The following PCDHA3 variants were observed in gnomAD, a reference collection of about 807,000 sequenced individuals.
PCDHA3 encodes the protein protocadherin alpha-3.
A neutral mutation model predicts 62.2 loss-of-function variants in PCDHA3; 41 were observed. That is an observed-to-expected ratio of 0.66 (90% CI 0.51 to 0.86). The LOEUF (loss-of-function observed/expected upper bound fraction) is 0.86. Among genes scored for constraint, PCDHA3 ranks in the 40% least tolerant of loss-of-function variants. The pLI, the probability that PCDHA3 is intolerant of heterozygous loss-of-function variation, is 0.00. For missense variants in PCDHA3, 1,304 were observed against 1,241.2 expected, an observed-to-expected ratio of 1.05 and a Z score of -0.76; for synonymous variants, 640 against 555.4, an observed-to-expected ratio of 1.15 and a Z score of -2.14.
At chr5:140,880,258 A>G (rs1278819523) in intron 1 of PCDHA3, among the ~76,000 whole-genome samples, 3 of 152,246 alleles carry the variant, frequency 2.0e-5, no homozygotes. Flanking sequence ...GTATGTATAC[A>G]TATTTTAGTT....
intron 3 of PCDHA3, among the ~76,000 whole-genome samples, chr5:140,998,588 G>A (rs1315091552): frequency 6.7e-6 from 1 of 148,536 alleles, no homozygotes; most frequent in African/African-American, 2.5e-5. Context: ...TTTTGAGACA[G>A]AGTTTTGCTC....
intron 1 of PCDHA3, among the ~76,000 whole-genome samples, chr5:140,936,969 A>G (rs1391736933): frequency 2.0e-5 from 3 of 152,202 alleles, no homozygotes; most frequent in African/African-American, 7.2e-5. Context: ...ATCTATAAAA[A>G]TATGAAGCTT....
At chr5:140,858,321 C>A in intron 1 of PCDHA3, 1 of 1,596,814 alleles carries the variant, frequency 6.3e-7, no homozygotes, top group Non-Finnish European at 8.6e-7. Flanking sequence ...AGGGTGTGTT[C>A]TGGGGAGGGC....
chr5:140,946,631 T>TATATATATATATATATATATATATACAC lies in PCDHA3; in HGVS notation c.2395-32317_2395-32316insTATATATATATATATATATATATACACA, dbSNP rs57893927. 8.3e-4 allele frequency among the ~76,000 whole-genome samples: 109 copies of TATATATATATATATATATATATATACAC among 131,802 alleles called. 1 individual carries two copies. The highest frequency in any genetic ancestry group is 3.6e-3 in the African/African-American group (102 of 28,672). 86.5% of individuals were successfully genotyped at this position (131,802 alleles called of 152,430 possible). A position where few individuals can be genotyped will look rare whatever the true frequency, so the allele number is the denominator to read the frequency against. On this transcript the variant is annotated intron_variant, in intron 1 of 3. Transcript: ENST00000522353. ...TGTGAAATATATATATATATATATA[T>TATATATATATATATATATATATATACAC]ACAATGGAATACTCATCAGCCATTA...
intron 1 of PCDHA3, among the ~76,000 whole-genome samples, chr5:140,904,631 G>A (rs150616068): frequency 0.029 from 4,338 of 152,074 alleles, 82 homozygotes; most frequent in Non-Finnish European, 0.044. Flanking sequence ...GTTCTTTAAG[G>A]AATCTCCACA....
At chr5:140,849,747 G>C (rs2150448012) in intron 1 of PCDHA3, 5 of 1,598,444 alleles carry the variant, frequency 3.1e-6, no homozygotes, top group Non-Finnish European at 4.3e-6. Context: ...CCGCGAGAGT[G>C]TGTCCGCCTA....
At chr5:140,820,525 A>G (rs2150107223) in intron 1 of PCDHA3, among the ~76,000 whole-genome samples, 2 of 152,164 alleles carry the variant, frequency 1.3e-5, no homozygotes, top group African/African-American at 4.8e-5. Flanking sequence ...GCAGAATGTT[A>G]GCTATTTCTT....
chr5:140,822,940 A>T, intron 1 of PCDHA3: 1 of 1,614,204 alleles, frequency 6.2e-7, no homozygotes, highest in Non-Finnish European at 8.5e-7. Flanking sequence ...CTGCTCCCTA[A>T]TGCCCCACGT....
intron 1 of PCDHA3, among the ~76,000 whole-genome samples, chr5:140,922,082 G>A (rs2080612980): frequency 6.6e-6 from 1 of 151,908 alleles, no homozygotes. Context: ...AGCAAAAAGT[G>A]GTATTTCTAC....
intron 1 of PCDHA3, among the ~76,000 whole-genome samples, chr5:140,955,373 T>C (rs2338310): frequency 0.011 from 1,717 of 152,252 alleles, 30 homozygotes; most frequent in African/African-American, 0.038. Context: ...TGGGAGGTAA[T>C]TGAATCATGG....
chr5:140,899,995 A>G (rs1449060467), intron 1 of PCDHA3, among the ~76,000 whole-genome samples: 1 of 151,872 alleles, frequency 6.6e-6, no homozygotes, highest in Non-Finnish European at 1.5e-5. Context: ...TTTTTTGTAG[A>G]GATGAGGTCT....
intron 1 of PCDHA3, among the ~76,000 whole-genome samples, chr5:140,826,047 G>A (rs1554130434): frequency 6.6e-6 from 1 of 152,052 alleles, no homozygotes; most frequent in East Asian, 1.9e-4. Context: ...CTGTTGCTTT[G>A]CCTGTTTCTT....
chr5:141,001,253 C>G (rs896546841), intron 3 of PCDHA3, among the ~76,000 whole-genome samples: 1 of 152,078 alleles, frequency 6.6e-6, no homozygotes, highest in East Asian at 1.9e-4. Context: ...CCCTATGGGG[C>G]GGGCACTCTT....
At chr5:140,909,966 G>C (rs1583724116) in intron 1 of PCDHA3, among the ~76,000 whole-genome samples, 1 of 152,202 alleles carries the variant, frequency 6.6e-6, no homozygotes, top group African/African-American at 2.4e-5. Flanking sequence ...TCTCCATGGG[G>C]AAGGATGGGA....
At chr5:140,875,966 ACT>A (rs782792514) in intron 1 of PCDHA3, 11 of 1,613,922 alleles carry the variant, frequency 6.8e-6, no homozygotes, top group Admixed American at 6.7e-5. Context: ...ATCGGCGTAA[ACT>A]CTCTTTTGAC....
At chr5:140,870,992 T>C (rs782714479) in intron 1 of PCDHA3, 1 of 1,613,478 alleles carries the variant, frequency 6.2e-7, no homozygotes, top group South Asian at 1.1e-5. Context: ...ACGGGCGAGA[T>C]AAGCACAACG....
At chr5:140,985,083 G>A (rs782261438) in intron 3 of PCDHA3, among the ~76,000 whole-genome samples, 5 of 152,158 alleles carry the variant, frequency 3.3e-5, no homozygotes, top group East Asian at 1.9e-4. Context: ...GACTACAGGC[G>A]TGTGCCACCA....
intron 3 of PCDHA3, among the ~76,000 whole-genome samples, chr5:140,997,083 A>C (rs1267571178): frequency 2.6e-5 from 4 of 152,174 alleles, no homozygotes; most frequent in Non-Finnish European, 5.9e-5. Flanking sequence ...AGTTGAGTAG[A>C]AAGTGCAGAG....
At chr5:140,807,734 C>A (rs1764019669) in intron 1 of PCDHA3, 1 of 1,614,190 alleles carries the variant, frequency 6.2e-7, no homozygotes, top group South Asian at 1.1e-5. Context: ...TCTGGAAAAA[C>A]CACCTGATGA....
Sources: gnomAD v4.1 joint callset for allele counts (sites outside exome capture counted in the v4.1 genomes callset) on GRCh38, gnomAD v4.1.1 for gene constraint, MANE v1.5 for transcripts, NCBI Gene and HGNC (gene_info 2026-07-23, HGNC 2026-07-21) for gene names.